SMG1: variants seen among roughly 807,000 people sequenced by gnomAD.
SMG1 encodes the protein serine/threonine-protein kinase SMG1.
Under a neutral mutation model 419.9 loss-of-function variants are expected in SMG1, and 22 were observed. The ratio of observed to expected loss-of-function variants is 0.05; its 90% CI spans 0.04 to 0.07. SMG1 has a LOEUF of 0.07. Among genes scored for constraint, SMG1 ranks in the 10% least tolerant of loss-of-function variants. The pLI is 1.00. For missense variants in SMG1, 3,185 were observed against 4,342.0 expected, an observed-to-expected ratio of 0.73 and a Z score of 7.49; for synonymous variants, 1,538 against 1,553.5, an observed-to-expected ratio of 0.99 and a Z score of 0.23.
chr16:18,921,835 GAGA>G (rs1035082573), intron 1 of SMG1, among the ~76,000 whole-genome samples: 14 of 152,168 alleles, frequency 9.2e-5, no homozygotes, highest in African/African-American at 3.1e-4. Context: ...TTTCACAACA[GAGA>G]AGATGTGTGT....
chr16:18,924,900 C>T (rs577546333), intron 1 of SMG1: 17 of 152,302 alleles, frequency 1.1e-4, no homozygotes, highest in African/African-American at 3.8e-4. Flanking sequence ...TTACATGTAA[C>T]TATCAGGAAA....
chr16:18,811,536 G>A (rs756339173), intron 62 of SMG1, among the ~76,000 whole-genome samples: 2 of 152,144 alleles, frequency 1.3e-5, no homozygotes, highest in African/African-American at 2.4e-5. Context: ...TTATATTTGG[G>A]TTAAAACAGG....
rs1596477758 is a variant in SMG1 at position 18,829,840 on chromosome 16, G to A, written c.9134-85C>T. ...TTATAGTATTTAAGGTGTCATGAAT[G>A]TATAATTAAATTAAGCCTACTCTAT... On this transcript the variant is annotated intron_variant, in intron 53 of 62. Transcript: ENST00000446231. 9.8e-6 allele frequency: 14 copies of A among 1,432,012 alleles called. No homozygotes were observed. In the East Asian group the frequency reaches 2.6e-4, roughly 27 times the overall value. The allele number at this position is 1,432,012 out of a possible 1,614,324, so 88.7% of individuals were successfully genotyped here. A position where few individuals can be genotyped will look rare whatever the true frequency, so the allele number is the denominator to read the frequency against.
chr16:18,887,364 T>C (rs1234877800), intron 6 of SMG1, among the ~76,000 whole-genome samples: 1 of 151,922 alleles, frequency 6.6e-6, no homozygotes, highest in Non-Finnish European at 1.5e-5. Context: ...TGTTTTGTTT[T>C]TTTGAGATAG....
rs746408542 is a variant in SMG1, at chr16:18,841,089, C to G, written c.6696+476G>C. Among the ~76,000 whole-genome samples the G allele has an allele frequency of 1.9e-4, 29 of 151,816 alleles. 1 individual carries two copies. The highest frequency in any genetic ancestry group is 3.5e-4 in the Non-Finnish European group (24 of 67,926). ...AAAAACAAAACCAAAAAAAAGCAAA[C>G]AACTTTATTTTTATAAAAGGTACCT... On this transcript the variant is annotated intron_variant, in intron 41 of 62. Coordinates refer to ENST00000446231, the MANE Select transcript of SMG1 (RefSeq NM_015092.5).
chr16:18,903,268 G>GT, intron 1 of SMG1, among the ~76,000 whole-genome samples: 1 of 152,200 alleles, frequency 6.6e-6, no homozygotes, highest in Non-Finnish European at 1.5e-5. Flanking sequence ...AACGAAGCCA[G>GT]TAACTCCAGG....
chr16:18,836,571 G>A, intron 46 of SMG1, 39 bp from the exon 47 acceptor site: 1 of 1,602,650 alleles, frequency 6.2e-7, no homozygotes, highest in Non-Finnish European at 8.5e-7. Flanking sequence ...AAGATTTATT[G>A]CTGTTTTCTT....
intron 3 of SMG1, among the ~76,000 whole-genome samples, chr16:18,893,605 G>A (rs1042964858): frequency 1.3e-5 from 2 of 152,006 alleles, no homozygotes; most frequent in Non-Finnish European, 2.9e-5. Context: ...GGGTGACAGA[G>A]CGAGACTGTC....
chr16:18,913,085 G>C (rs1389901591), intron 1 of SMG1, among the ~76,000 whole-genome samples: 2 of 152,054 alleles, frequency 1.3e-5, no homozygotes, highest in Admixed American at 1.3e-4. Flanking sequence ...ATTATACAAA[G>C]AGGATAGTCA....
intron 55 of SMG1, among the ~76,000 whole-genome samples, chr16:18,820,918 G>T (rs569753081): frequency 6.6e-6 from 1 of 152,070 alleles, no homozygotes; most frequent in Non-Finnish European, 1.5e-5. Flanking sequence ...TTTCATTAAG[G>T]CAAGTTTCTC....
intron 60 of SMG1, among the ~76,000 whole-genome samples, chr16:18,814,653 T>C (rs1401069492): frequency 1.3e-5 from 2 of 150,480 alleles, no homozygotes; most frequent in African/African-American, 4.9e-5. Context: ...TGGCTCACCG[T>C]AACCTCCACC....
At chr16:18,906,611 C>G (rs1235643807) in intron 1 of SMG1, among the ~76,000 whole-genome samples, 1 of 152,170 alleles carries the variant, frequency 6.6e-6, no homozygotes, top group South Asian at 2.1e-4. Flanking sequence ...AAATCCCCCC[C>G]ATAAACATGC....
In SMG1 at chr16:18,847,941, C is replaced by G; in HGVS notation, c.5716G>C (p.Ala1906Pro). Residue 1906 changes from alanine (A) to proline (P), a missense_variant, in exon 37 of 63, where the codon GCA (alanine) becomes CCA (proline). Ala to Pro is a conservative substitution (Grantham distance 27). Coordinates refer to ENST00000446231, the MANE Select transcript of SMG1 (RefSeq NM_015092.5). ...VSECEGGSPP[A>P]SQDSNKDEPK... ...TCATCCTTATTGCTATCCTGAGATG[C>G]AGGAGGACTTCCTCCCTCACATTCA... 1.9e-6 allele frequency: 3 copies of G among 1,613,970 alleles called. No individual in the cohort carries two copies. The highest frequency in any genetic ancestry group is 2.5e-6 in the Non-Finnish European group (3 of 1,179,866).
chr16:18,814,934 G>T (rs887382703), intron 60 of SMG1, among the ~76,000 whole-genome samples: 2 of 147,758 alleles, frequency 1.4e-5, no homozygotes, highest in African/African-American at 5.0e-5. Context: ...AAGAGACAGG[G>T]TCTTGAACTC....
rs775513648 is a variant in SMG1, at chr16:18,836,045, G to A, written c.7945C>T (p.Leu2649=). 2.0e-5 allele frequency: 32 copies of A among 1,596,062 alleles called. No homozygotes were observed. The highest frequency in any genetic ancestry group is 1.7e-4 in the Middle Eastern group (1 of 6,046). The change falls in exon 48 of 63, where the codon CTG becomes TTG. Residue 2649 remains leucine, a synonymous_variant. Coordinates refer to ENST00000446231, the MANE Select transcript of SMG1 (RefSeq NM_015092.5). ...EQLHHYATVA[L]QYPKAIFQKH... ...TGAAATATGGCCTTCGGATACTGCAGGGCCACGGTTGCATAGTGATGCAGT... is the reference window on the plus strand; with the variant it reads ...TGAAATATGGCCTTCGGATACTGCAAGGCCACGGTTGCATAGTGATGCAGT...
chr16:18,866,787 T>C lies in SMG1; in HGVS notation c.3196-12A>G. On this transcript the variant is annotated splice_polypyrimidine_tract_variant and intron_variant, in intron 22 of 62. Coordinates refer to ENST00000446231, the MANE Select transcript of SMG1 (RefSeq NM_015092.5). Reference sequence around the variant, plus strand: ...TCCAATTCATTCCCCTGAAAACGCATTCAGAAAAATTAGTCACCCAATACC... The same window carrying C: ...TCCAATTCATTCCCCTGAAAACGCACTCAGAAAAATTAGTCACCCAATACC... 6.3e-7 allele frequency: 1 copy of C among 1,595,898 alleles called. No homozygotes were observed. Among genetic ancestry groups the C allele is most frequent in the East Asian group, 2.2e-5 (1 of 44,860 alleles).
intron 1 of SMG1, among the ~76,000 whole-genome samples, chr16:18,919,800 A>C (rs527845160): frequency 2.6e-4 from 40 of 151,648 alleles, no homozygotes; most frequent in African/African-American, 9.2e-4. Context: ...AAAGGAATCA[A>C]AACAAAAGGG....
intron 3 of SMG1, among the ~76,000 whole-genome samples, chr16:18,894,510 C>T (rs2037028120): frequency 6.6e-6 from 1 of 152,016 alleles, no homozygotes; most frequent in Non-Finnish European, 1.5e-5. Context: ...TCTATAATAT[C>T]ATAAGTCTCA....
intron 51 of SMG1, among the ~76,000 whole-genome samples, chr16:18,832,582 G>GCACACACACACACA (rs3222694): frequency 2.2e-4 from 32 of 148,396 alleles, no homozygotes; most frequent in African/African-American, 7.7e-4. Flanking sequence ...CTATACACTT[G>GCACACACACACACA]CACACACACA....
Sources: gnomAD v4.1 joint callset for allele counts (sites outside exome capture counted in the v4.1 genomes callset) on GRCh38, gnomAD v4.1.1 for gene constraint, MANE v1.5 for transcripts, NCBI Gene and HGNC (gene_info 2026-07-23, HGNC 2026-07-21) for gene names.